Variants in DYNC2H1 observed in about 807,000 individuals in gnomAD.
DYNC2H1 encodes dynein cytoplasmic 2 heavy chain 1, also known as cytoplasmic dynein 2 heavy chain 1.
DYNC2H1 carries 410 observed loss-of-function variants against 570.0 expected under a neutral mutation model. That is an observed-to-expected ratio of 0.72 (90% confidence interval 0.66 to 0.78). The LOEUF is 0.78. Among genes scored for constraint, DYNC2H1 ranks in the 30% least tolerant of loss-of-function variants. DYNC2H1 has a pLI of 0.00. For missense variants in DYNC2H1, 4,865 were observed against 5,046.4 expected, an observed-to-expected ratio of 0.96 and a Z score of 1.09; for synonymous variants, 1,688 against 1,677.6, an observed-to-expected ratio of 1.01 and a Z score of -0.15.
At chr11:103,174,611 GA>G (rs1861719730) in intron 36 of DYNC2H1, among the ~76,000 whole-genome samples, 1 of 152,076 alleles carries the variant, frequency 6.6e-6, no homozygotes, top group Non-Finnish European at 1.5e-5. Context: ...CTTGAAACAA[GA>G]ACAGAAACCT....
In DYNC2H1 at chr11:103,203,303, G is replaced by T. The variant is rs1346831882; in HGVS notation, c.8198-360G>T. Among the ~76,000 whole-genome samples the T allele has an allele frequency of 6.6e-6, 1 of 152,152 alleles. No homozygotes were observed. The highest frequency in any genetic ancestry group is 2.4e-5 in the African/African-American group (1 of 41,454). On this transcript the variant is annotated intron_variant, in intron 50 of 88. Coordinates refer to ENST00000375735, the MANE Select transcript of DYNC2H1 (RefSeq NM_001377.3). The surrounding 1 kb of genome is among the most constrained non-coding windows in gnomAD (Gnocchi z 4.7). ...ATCTTGAAGGATAAGAATTTATTGGGTATCAAGATAAGGGGCAGAGGATGA... is the reference window on the plus strand; with the variant it reads ...ATCTTGAAGGATAAGAATTTATTGGTTATCAAGATAAGGGGCAGAGGATGA...
Position 103,199,179 on chromosome 11 carries a change from T to C in DYNC2H1, c.7840-49T>C. The C allele has an allele frequency of 7.9e-7, 1 of 1,262,356 alleles. No individual in the cohort carries two copies. Among genetic ancestry groups the C allele is most frequent in the Non-Finnish European group, 1.1e-6 (1 of 949,090 alleles). 78.2% of individuals were successfully genotyped at this position (1,262,356 alleles called of 1,614,324 possible). A position where few individuals can be genotyped will look rare whatever the true frequency, so the allele number is the denominator to read the frequency against. On this transcript the variant is annotated intron_variant, in intron 48 of 88. Coordinates refer to ENST00000375735, the MANE Select transcript of DYNC2H1 (RefSeq NM_001377.3). This position sits in a 1 kb window ranked among gnomAD's most constrained non-coding sequence, Gnocchi z 4.6. Reference sequence around the variant, plus strand: ...ACCTAGGTAAGTAACATTTTTATTATGTAATTAGGGCTTATATTAATTATA... The same window carrying C: ...ACCTAGGTAAGTAACATTTTTATTACGTAATTAGGGCTTATATTAATTATA...
chr11:103,259,073 A>G (rs1865168920), intron 69 of DYNC2H1, among the ~76,000 whole-genome samples: 1 of 152,130 alleles, frequency 6.6e-6, no homozygotes. Flanking sequence ...TTCTTTGCTG[A>G]TCCTGGATGT....
At chr11:103,424,315 T>C (rs1943592144) in intron 84 of DYNC2H1, among the ~76,000 whole-genome samples, 1 of 152,168 alleles carries the variant, frequency 6.6e-6, no homozygotes, top group Non-Finnish European at 1.5e-5. Flanking sequence ...TTGATTGGTT[T>C]ATAGCTTAAA....
intron 47 of DYNC2H1, among the ~76,000 whole-genome samples, chr11:103,196,794 AAGATTT>A (rs1862523195): frequency 6.6e-6 from 1 of 152,164 alleles, no homozygotes; most frequent in Non-Finnish European, 1.5e-5. Flanking sequence ...GATTGCAAAG[AAGATTT>A]AGATTTGGAG....
At chr11:103,315,230 C>T (rs11225703) in intron 79 of DYNC2H1, among the ~76,000 whole-genome samples, 46,033 of 151,830 alleles carry the variant, frequency 0.3, 7,271 homozygotes, top group Non-Finnish European at 0.34. Context: ...TGAAAATTCA[C>T]GTATTCTGGA....
chr11:103,279,209 A>C (rs1866032755), intron 70 of DYNC2H1, among the ~76,000 whole-genome samples: 1 of 152,170 alleles, frequency 6.6e-6, no homozygotes. Flanking sequence ...AAGATGTTTT[A>C]TTATATTTTA....
chr11:103,115,161 C>G lies in DYNC2H1; in HGVS notation c.503-16C>G. ...TGATATTCTATGCCATTTTTTTCCC[C>G]TCTTGACTTTTATAGGTATCCTTAC... On this transcript the variant is annotated splice_polypyrimidine_tract_variant and intron_variant, in intron 3 of 88. Coordinates refer to ENST00000375735, the MANE Select transcript of DYNC2H1 (RefSeq NM_001377.3). The G allele has an allele frequency of 1.3e-6, 2 of 1,577,680 alleles. No individual in the cohort carries two copies. Among genetic ancestry groups the G allele is most frequent in the South Asian group, 2.3e-5 (2 of 85,330 alleles).
chr11:103,358,771 T>C (rs950777438), intron 83 of DYNC2H1, among the ~76,000 whole-genome samples: 18 of 152,198 alleles, frequency 1.2e-4, no homozygotes, highest in Non-Finnish European at 4.4e-5. Context: ...TCTTAAAATG[T>C]ATATACATAG....
rs1202280646 is a variant in DYNC2H1, at chr11:103,449,635, TGTG to T, written c.12457-5548_12457-5546del. Among the ~76,000 whole-genome samples the T allele has an allele frequency of 3.3e-5, 5 of 151,830 alleles. No individual in the cohort carries two copies. The East Asian group carries it at 7.8e-4, about 24-fold the overall frequency. Reference sequence around the variant, plus strand: ...ATATTAATCAAATCTTCTCTATACATGTGGTAATTATTAAGTTTAGAAATTATT... The same window carrying T: ...ATATTAATCAAATCTTCTCTATACATGTAATTATTAAGTTTAGAAATTATT... On this transcript the variant is annotated intron_variant, in intron 85 of 88. Coordinates refer to ENST00000375735, the MANE Select transcript of DYNC2H1 (RefSeq NM_001377.3).
intron 65 of DYNC2H1, among the ~76,000 whole-genome samples, chr11:103,251,502 A>G (rs904497780): frequency 2.0e-5 from 3 of 152,178 alleles, no homozygotes; most frequent in Non-Finnish European, 2.9e-5. Flanking sequence ...GCAAATTAAC[A>G]TATCTATCAA....
At chr11:103,442,648 A>C (rs910693909) in intron 85 of DYNC2H1, among the ~76,000 whole-genome samples, 2 of 152,102 alleles carry the variant, frequency 1.3e-5, no homozygotes, top group African/African-American at 4.8e-5. Flanking sequence ...CAGAAGATAA[A>C]TCTTGGTTCT....
At chr11:103,453,826 T>C (rs1374242534) in intron 85 of DYNC2H1, among the ~76,000 whole-genome samples, 1 of 151,742 alleles carries the variant, frequency 6.6e-6, no homozygotes, top group Non-Finnish European at 1.5e-5. Flanking sequence ...ATTTGTTGAT[T>C]ATGTTTAGCT....
Position 103,219,958 on chromosome 11 carries a change from G to A in DYNC2H1, c.8876G>A (p.Arg2959Lys). 1 of 1,511,144 alleles carries A rather than the reference G, an allele frequency of 6.6e-7. No individual in the cohort carries two copies. Among genetic ancestry groups the A allele is most frequent in the Non-Finnish European group, 8.8e-7 (1 of 1,138,796 alleles). The allele number at this position is 1,511,144 out of a possible 1,614,324, so 93.6% of individuals were successfully genotyped here. A position where few individuals can be genotyped will look rare whatever the true frequency, so the allele number is the denominator to read the frequency against. ...ACAGAACTTGAAAGACTGAAGCACA[G>A]AATAGCAGAAGAAGTTGTTAAAATT... The part of the protein sequence containing the change: ...QKTELERLKH[R>K]IAEEVVKIEE... Residue 2959 changes from arginine (R) to lysine (K), a missense_variant, in exon 56 of 89, where the codon AGA becomes AAA. By Grantham distance (26) the Arg-to-Lys change is conservative (BLOSUM62 2). Transcript: ENST00000375735.
rs2135286326 is a variant in DYNC2H1, at chr11:103,264,235, C to G, written c.10695+4258C>G. Among the ~76,000 whole-genome samples, 1 of 152,132 alleles carries G rather than the reference C, an allele frequency of 6.6e-6. No individual in the cohort carries two copies. Among genetic ancestry groups the G allele is most frequent in the South Asian group, 2.1e-4 (1 of 4,822 alleles). On this transcript the variant is annotated intron_variant, in intron 70 of 88. Transcript: ENST00000375735. The surrounding 1 kb of genome is among the most constrained non-coding windows in gnomAD (Gnocchi z 4.8). The stretch of plus-strand genomic sequence containing the variant: ...TTAATAGCCTACCAACCAAAAAAAG[C>G]CCAGGGTCAGATGGATTCACAGCCA...
chr11:103,460,489 G>C (rs558469545), intron 87 of DYNC2H1, among the ~76,000 whole-genome samples: 61 of 125,024 alleles, frequency 4.9e-4, no homozygotes, highest in Non-Finnish European at 6.7e-4. Flanking sequence ...TGGGTGGGGT[G>C]GGGGGTGGGC....
Position 103,252,441 on chromosome 11 carries a change from A to G in DYNC2H1, c.10043-844A>G, listed in dbSNP as rs2135251565. On this transcript the variant is annotated intron_variant, in intron 65 of 88. Transcript: ENST00000375735. This position sits in a 1 kb window ranked among gnomAD's most constrained non-coding sequence, Gnocchi z 4.6. ...TTTAGGAACCTTCCTACCATTTTTC[A>G]TAATGGCTGCCCTGGTCTTCATTCC... 6.6e-6 allele frequency among the ~76,000 whole-genome samples: 1 copy of G among 152,256 alleles called. No homozygotes were observed. Among genetic ancestry groups the G allele is most frequent in the South Asian group, 2.1e-4 (1 of 4,824 alleles).
chr11:103,375,327 A>G (rs2263485), intron 83 of DYNC2H1, among the ~76,000 whole-genome samples: 102,840 of 152,106 alleles, frequency 0.68, 34,842 homozygotes, highest in Admixed American at 0.73. Context: ...AGGGCAGTGC[A>G]GAAGGGAAAT....
At chr11:103,427,639 A>G (rs1300613181) in intron 84 of DYNC2H1, among the ~76,000 whole-genome samples, 5 of 152,080 alleles carry the variant, frequency 3.3e-5, no homozygotes, top group Non-Finnish European at 7.3e-5. Flanking sequence ...GTTTACAGAT[A>G]GCCATCTTTT....
Sources: allele counts gnomAD v4.1 joint callset (sites outside exome capture counted in the v4.1 genomes callset), GRCh38; gene constraint gnomAD v4.1.1; non-coding constraint Gnocchi (gnomAD v3.1); transcripts MANE v1.5; gene names NCBI Gene and HGNC (gene_info 2026-07-23, HGNC 2026-07-21).